The following VAV2 variants were observed in gnomAD, a reference collection of about 807,000 sequenced individuals.
VAV2 encodes vav guanine nucleotide exchange factor 2, also known as guanine nucleotide exchange factor VAV2.
Under a neutral mutation model 132.5 loss-of-function variants are expected in VAV2, and 67 were observed. The observed-to-expected ratio is 0.51, with a 90% CI of 0.42 to 0.62. VAV2 has a LOEUF of 0.62. VAV2 is among the 20% of genes least tolerant of loss of function. The pLI is 0.00. For missense variants in VAV2, 938 were observed against 1,153.6 expected, an observed-to-expected ratio of 0.81 and a Z score of 2.71; for synonymous variants, 492 against 443.5, an observed-to-expected ratio of 1.11 and a Z score of -1.37.
At position 133,783,877 on chromosome 9, in the gene VAV2, GTTTT is replaced by G. The variant is rs56069048; in HGVS notation, c.1635-290_1635-287del. Among the ~76,000 whole-genome samples, 11 of 85,152 alleles carry G rather than the reference GTTTT, an allele frequency of 1.3e-4. 1 individual carries two copies. Among genetic ancestry groups the G allele is most frequent in the Admixed American group, 6.3e-4 (5 of 7,928 alleles). 55.9% of individuals were successfully genotyped at this position (85,152 alleles called of 152,430 possible). A position where few individuals can be genotyped will look rare whatever the true frequency, so the allele number is the denominator to read the frequency against. Reference sequence around the variant, plus strand: ...GAAACTCTAAGGGCTTGGCTGGGCCGTTTTTTTTTTTTTTTTTTTTGGAGACAGG... The same window carrying G: ...GAAACTCTAAGGGCTTGGCTGGGCCGTTTTTTTTTTTTTTTTGGAGACAGG... On this transcript the variant is annotated intron_variant, in intron 18 of 29. Transcript: ENST00000371850.
chr9:133,932,527 G>A (rs888391979), intron 2 of VAV2, among the ~76,000 whole-genome samples: 10 of 152,210 alleles, frequency 6.6e-5, no homozygotes, highest in South Asian at 2.1e-4. Context: ...TGGAACTTGC[G>A]GGGTGAGTGA....
At position 133,879,654 on chromosome 9, in the gene VAV2, A is replaced by G. The variant is rs7033494; in HGVS notation, c.322-18222T>C. On this transcript the variant is annotated intron_variant, in intron 2 of 29. Coordinates refer to ENST00000371850, the MANE Select transcript of VAV2 (RefSeq NM_001134398.2). This position sits in a 1 kb window ranked among gnomAD's most constrained non-coding sequence, Gnocchi z 4.4. ...TAAGCAACAAGCCGCACACACCAGG[A>G]CGAACAGCACTGCTGGCTCAGATGA... is the stretch of plus-strand genomic sequence containing the variant. 8.5e-3 allele frequency among the ~76,000 whole-genome samples: 1,291 copies of G among 152,312 alleles called. 16 individuals carry two copies. The highest frequency in any genetic ancestry group is 0.029 in the African/African-American group (1,196 of 41,564).
chr9:133,923,852 G>A (rs183786409), intron 2 of VAV2, among the ~76,000 whole-genome samples: 42 of 152,318 alleles, frequency 2.8e-4, no homozygotes, highest in Non-Finnish European at 4.0e-4. Context: ...GGACATGGAT[G>A]AAGCTGGAAA....
At chr9:133,964,029 A>ATATG (rs1554819001) in intron 1 of VAV2, among the ~76,000 whole-genome samples, 2 of 90,600 alleles carry the variant, frequency 2.2e-5, no homozygotes, top group African/African-American at 3.3e-5. Flanking sequence ...ATTCATATAT[A>ATATG]TATATATATA....
intron 2 of VAV2, among the ~76,000 whole-genome samples, chr9:133,867,674 G>A (rs1025011726): frequency 3.9e-5 from 6 of 152,266 alleles, no homozygotes; most frequent in Non-Finnish European, 8.8e-5. Flanking sequence ...CCTGTGCAGT[G>A]CTAGACCTGA....
intron 1 of VAV2, among the ~76,000 whole-genome samples, chr9:133,959,609 C>A (rs1841900598): frequency 6.6e-6 from 1 of 152,214 alleles, no homozygotes; most frequent in African/African-American, 2.4e-5. Flanking sequence ...TGCACCACGT[C>A]CCCTATCTTG....
Position 133,988,930 on chromosome 9 carries a change from G to A in VAV2, c.204+3145C>T, listed in dbSNP as rs529732919. Reference sequence around the variant, plus strand: ...AAAATACAAAAAATAGCTGGGCGTGGGCCAGGCACGGTGGCTCAAGCCTGT... The same window carrying A: ...AAAATACAAAAAATAGCTGGGCGTGAGCCAGGCACGGTGGCTCAAGCCTGT... On this transcript the variant is annotated intron_variant, in intron 1 of 29. Transcript: ENST00000371850. 3.9e-5 allele frequency among the ~76,000 whole-genome samples: 6 copies of A among 152,212 alleles called. No individual in the cohort carries two copies. In the South Asian group the frequency reaches 1.2e-3, roughly 32 times the overall value.
chr9:133,816,916 C>A (rs527646431), intron 4 of VAV2, among the ~76,000 whole-genome samples: 1 of 152,178 alleles, frequency 6.6e-6, no homozygotes, highest in African/African-American at 2.4e-5. Flanking sequence ...CTTGAAATCA[C>A]GTAATGTAAA....
rs1462515197 is a variant in VAV2 at position 133,928,835 on chromosome 9, A to G, written c.321+10268T>C. On this transcript the variant is annotated intron_variant, in intron 2 of 29. Coordinates refer to ENST00000371850, the MANE Select transcript of VAV2 (RefSeq NM_001134398.2). The surrounding 1 kb of genome is among the most constrained non-coding windows in gnomAD (Gnocchi z 5.4). Reference sequence around the variant, plus strand: ...CCAGCCCCAGACGCAGGGCAGGTGGATGGTGGGTGTGGGGCAGGATACACT... The same window carrying G: ...CCAGCCCCAGACGCAGGGCAGGTGGGTGGTGGGTGTGGGGCAGGATACACT... 6.6e-6 allele frequency among the ~76,000 whole-genome samples: 1 copy of G among 152,190 alleles called. No individual in the cohort carries two copies. Among genetic ancestry groups the G allele is most frequent in the East Asian group, 1.9e-4 (1 of 5,186 alleles).
chr9:133,785,674 C>A (rs569814891), intron 17 of VAV2, 102 bp downstream of exon 17: 1 of 1,138,600 alleles, frequency 8.8e-7, no homozygotes, highest in South Asian at 1.5e-5. Context: ...TGCCTCCCAC[C>A]GCCCCTGGTC....
At chr9:133,938,464 G>C (rs963650668) in intron 2 of VAV2, among the ~76,000 whole-genome samples, 9 of 151,360 alleles carry the variant, frequency 5.9e-5, no homozygotes, top group Non-Finnish European at 8.8e-5. Flanking sequence ...CAGGGCCTTT[G>C]CACCTGCCAG....
chr9:133,778,053 A>C (rs1833877184), intron 22 of VAV2, among the ~76,000 whole-genome samples: 1 of 152,098 alleles, frequency 6.6e-6, no homozygotes, highest in South Asian at 2.1e-4. Context: ...TGGGGGTCTG[A>C]GTCCTTGGCT....
In VAV2 at chr9:133,794,051, A is replaced by G. The variant is rs2073892; in HGVS notation, c.1101+1617T>C. Among the ~76,000 whole-genome samples, 83,719 of 151,806 alleles carry G rather than the reference A, an allele frequency of 0.55. 23,522 individuals carry two copies. The highest frequency in any genetic ancestry group is 0.65 in the African/African-American group (26,780 of 41,376). The stretch of plus-strand genomic sequence containing the variant: ...CCGTGAGCTACACTCCTGGGAAACC[A>G]TCCCGTCGAGGGGCTCAGAGCCACT... On this transcript the variant is annotated intron_variant, in intron 12 of 29. Transcript: ENST00000371850. The surrounding 1 kb of genome is among the most constrained non-coding windows in gnomAD (Gnocchi z 4.6).
chr9:133,861,457 C>G (rs1387549171), intron 2 of VAV2, 25 bp from the exon 3 acceptor site: 1 of 1,609,868 alleles, frequency 6.2e-7, no homozygotes, highest in Admixed American at 1.7e-5. Context: ...AAGAGACGCT[C>G]CTGTAATTTC....
rs1159609819 is a variant in VAV2 at position 133,863,203 on chromosome 9, T to C, written c.322-1771A>G. ...ACGTCCTTACAGTTATTTGGAAGAA[T>C]GTTAGATCCCAAAGGGTTTGGCAAC... On this transcript the variant is annotated intron_variant, in intron 2 of 29. Transcript: ENST00000371850. This position sits in a 1 kb window ranked among gnomAD's most constrained non-coding sequence, Gnocchi z 5.0. Among the ~76,000 whole-genome samples, 1 of 152,216 alleles carries C rather than the reference T, an allele frequency of 6.6e-6. No individual in the cohort carries two copies. The highest frequency in any genetic ancestry group is 1.9e-4 in the East Asian group (1 of 5,198).
At chr9:133,785,680 T>C in intron 17 of VAV2, 96 bp downstream of exon 17, 1 of 1,224,180 alleles carries the variant, frequency 8.2e-7, no homozygotes, top group Non-Finnish European at 1.2e-6. Flanking sequence ...CCACCGCCCC[T>C]GGTCTGAGAG....
At position 133,788,549 on chromosome 9, in the gene VAV2, C is replaced by T. The variant is rs1016260194; in HGVS notation, c.1275-63G>A. ...CACTGTGTGCTCTGCTCCGAGGAGGCGGCAGGAGCTGAGCCTGAGGCTCTG... is the reference window on the plus strand; with the variant it reads ...CACTGTGTGCTCTGCTCCGAGGAGGTGGCAGGAGCTGAGCCTGAGGCTCTG... On this transcript the variant is annotated intron_variant, in intron 14 of 29. Coordinates refer to ENST00000371850, the MANE Select transcript of VAV2 (RefSeq NM_001134398.2). The surrounding 1 kb of genome is among the most constrained non-coding windows in gnomAD (Gnocchi z 5.3). 3.9e-5 allele frequency: 61 copies of T among 1,565,462 alleles called. No homozygotes were observed. The highest frequency in any genetic ancestry group is 5.1e-5 in the Admixed American group (3 of 58,882).
Position 133,978,181 on chromosome 9 carries a change from CGCCG to C in VAV2, c.204+13890_204+13893del, listed in dbSNP as rs545952366. 2.0e-5 allele frequency among the ~76,000 whole-genome samples: 3 copies of C among 152,328 alleles called. No individual in the cohort carries two copies. In the South Asian group the frequency reaches 6.2e-4, roughly 32 times the overall value. ...GCTGGGGAAACTGCCCTCCCTGGCC[CGCCG>C]GCCAGAGGATGCTGGTCCCAGGGTC... On this transcript the variant is annotated intron_variant, in intron 1 of 29. Coordinates refer to ENST00000371850, the MANE Select transcript of VAV2 (RefSeq NM_001134398.2).
chr9:133,845,091 G>A (rs577410793), intron 3 of VAV2, among the ~76,000 whole-genome samples: 1 of 152,388 alleles, frequency 6.6e-6, no homozygotes, highest in African/African-American at 2.4e-5. Flanking sequence ...GGCTTCCTGA[G>A]CTTCCCCCGC....
Sources: gnomAD v4.1 joint callset for allele counts (sites outside exome capture counted in the v4.1 genomes callset) on GRCh38, gnomAD v4.1.1 for gene constraint, Gnocchi (gnomAD v3.1) non-coding constraint, MANE v1.5 for transcripts, NCBI Gene and HGNC (gene_info 2026-07-23, HGNC 2026-07-21) for gene names.